Variants in TMEM167B observed in about 807,000 individuals in gnomAD.
TMEM167B encodes the protein transmembrane protein 167B.
Under a neutral mutation model 9.4 loss-of-function variants are expected in TMEM167B, and 2 were observed. The ratio of observed to expected loss-of-function variants is 0.21; its 90% CI spans 0.09 to 0.67. The LOEUF (loss-of-function observed/expected upper bound fraction) is 0.67, where lower values mean the gene tolerates loss of function less well. Ranked by LOEUF, TMEM167B falls within the 30% of genes least tolerant of loss-of-function variation. The pLI is 0.82. For synonymous variants in TMEM167B, 28 were observed against 32.0 expected (o/e 0.87, Z 0.42); for missense variants, 68 against 87.6 (o/e 0.78, Z 0.89).
chr1:109,090,828 T>C lies in TMEM167B; in HGVS notation c.-45T>C, dbSNP rs1410120773. 6.4e-7 allele frequency: 1 copy of C among 1,574,698 alleles called. No individual in the cohort carries two copies. Among genetic ancestry groups the C allele is most frequent in the Non-Finnish European group, 8.6e-7 (1 of 1,159,802 alleles). Reference sequence around the variant, plus strand: ...GGCGCTCCCCCATCTCCGCCGCTATTACCACTGAACCCGGACCCCCTACCC... The same window carrying C: ...GGCGCTCCCCCATCTCCGCCGCTATCACCACTGAACCCGGACCCCCTACCC... On this transcript the variant is annotated 5_prime_UTR_variant, in exon 1 of 3. Transcript: ENST00000338272.
chr1:109,093,061 C>G (rs370096701), intron 2 of TMEM167B, 40 bp downstream of exon 2: 15 of 1,612,488 alleles, frequency 9.3e-6, no homozygotes, highest in Non-Finnish European at 1.3e-5. Flanking sequence ...ACTGCCATCT[C>G]TGGACAGTGT....
At chr1:109,091,685 A>T (rs1664453932) in intron 1 of TMEM167B, 1 of 152,150 alleles carries the variant, frequency 6.6e-6, no homozygotes, top group South Asian at 2.1e-4. Context: ...CTCGAATTTA[A>T]CCTCCTTGTG....
rs980597437 is a variant in TMEM167B, at chr1:109,092,895, T to G, written c.16T>G (p.Ser6Ala). 12 of 1,614,048 alleles carry G rather than the reference T, an allele frequency of 7.4e-6. No individual in the cohort carries two copies. The highest frequency in any genetic ancestry group is 9.3e-6 in the Non-Finnish European group (11 of 1,180,030). The change falls in exon 2 of 3, where the codon TCC (serine) becomes GCC (alanine). Residue 6 changes from serine (S) to alanine (A), a missense_variant. Transcript: ENST00000338272. Reference sequence around the variant, plus strand: ...TTTTCTTCTTTATTTAACAGTGTACTCCTTGGATGGGATTCTGGTGTTTGG... The same window carrying G: ...TTTTCTTCTTTATTTAACAGTGTACGCCTTGGATGGGATTCTGGTGTTTGG... Reference protein sequence around the residue: MTNVYSLDGILVFGLL... With the variant: MTNVYALDGILVFGLL...
At chr1:109,091,018 C>T (rs1255642914) in intron 1 of TMEM167B, 136 bp downstream of exon 1, 1 of 1,022,874 alleles carries the variant, frequency 9.8e-7, no homozygotes, top group Non-Finnish European at 1.4e-6. Flanking sequence ...ACGCCCCTAA[C>T]TTCTGTACCC....
chr1:109,090,976 C>T, intron 1 of TMEM167B, 94 bp downstream of exon 1: 2 of 1,438,802 alleles, frequency 1.4e-6, no homozygotes, highest in Non-Finnish European at 1.9e-6. Context: ...TTCTCCCCGC[C>T]CCCTCCCAGC....
intron 2 of TMEM167B, 67 bp from the exon 3 acceptor site, chr1:109,094,350 T>C: frequency 6.6e-7 from 1 of 1,507,748 alleles, no homozygotes; most frequent in East Asian, 2.3e-5. Context: ...GACTTCAAAA[T>C]ATCACCTTGA....
At chr1:109,092,000 G>A (rs1408776607) in intron 1 of TMEM167B, among the ~76,000 whole-genome samples, 1 of 152,200 alleles carries the variant, frequency 6.6e-6, no homozygotes, top group Non-Finnish European at 1.5e-5. Flanking sequence ...ACAGCAGTTT[G>A]ACACGGTAGT....
rs1364669926 is a variant in TMEM167B, at chr1:109,095,875, G to T, written c.*1376G>T. On this transcript the variant is annotated 3_prime_UTR_variant, in exon 3 of 3. Transcript: ENST00000338272. ...CATTCCCTGCTTATATCTATGGAAG[G>T]ATCAGCTGTTGGATGTCTAGAACTT... 1.3e-5 allele frequency: 2 copies of T among 152,106 alleles called. No individual in the cohort carries two copies. Among genetic ancestry groups the T allele is most frequent in the African/African-American group, 4.8e-5 (2 of 41,406 alleles). 9.4% of individuals were successfully genotyped at this position (152,106 alleles called of 1,614,324 possible).
chr1:109,091,232 T>C (rs1035470974), intron 1 of TMEM167B, among the ~76,000 whole-genome samples: 3 of 152,342 alleles, frequency 2.0e-5, no homozygotes, highest in Middle Eastern at 3.4e-3. Flanking sequence ...CCCAGCTCCC[T>C]GCGTTCTCAT....
chr1:109,094,063 T>G (rs905045498), intron 2 of TMEM167B, among the ~76,000 whole-genome samples: 1 of 152,046 alleles, frequency 6.6e-6, no homozygotes, highest in African/African-American at 2.4e-5. Flanking sequence ...GTGGATCACC[T>G]GAGGTCAAGA....
intron 2 of TMEM167B, 118 bp downstream of exon 2, chr1:109,093,139 T>G: frequency 7.3e-7 from 1 of 1,378,802 alleles, no homozygotes; most frequent in Non-Finnish European, 9.9e-7. Context: ...AAAAAATCCC[T>G]CCGATTGGGT....
At chr1:109,092,638 C>G (rs1664475978) in intron 1 of TMEM167B, among the ~76,000 whole-genome samples, 1 of 152,050 alleles carries the variant, frequency 6.6e-6, no homozygotes, top group Non-Finnish European at 1.5e-5. Flanking sequence ...GTGGCATGAT[C>G]GTAGTTCATT....
At chr1:109,091,109 A>G (rs1434696627) in intron 1 of TMEM167B, among the ~76,000 whole-genome samples, 2 of 151,864 alleles carry the variant, frequency 1.3e-5, no homozygotes, top group African/African-American at 2.4e-5. Flanking sequence ...CGAGTTATCT[A>G]TCCCTATGCT....
At chr1:109,094,144 G>C (rs1219278163) in intron 2 of TMEM167B, among the ~76,000 whole-genome samples, 4 of 152,176 alleles carry the variant, frequency 2.6e-5, no homozygotes, top group African/African-American at 9.7e-5. Flanking sequence ...GCTGGGCATG[G>C]TGGCAGGCGC....
chr1:109,092,267 G>A (rs988578625), intron 1 of TMEM167B, among the ~76,000 whole-genome samples: 3 of 152,132 alleles, frequency 2.0e-5, no homozygotes, highest in African/African-American at 7.2e-5. Flanking sequence ...GATAATGATA[G>A]GAAAATTGTA....
At chr1:109,093,567 A>G (rs1342461743) in intron 2 of TMEM167B, 2 of 152,822 alleles carry the variant, frequency 1.3e-5, no homozygotes, top group Admixed American at 1.3e-4. Context: ...TCCATGGAGT[A>G]AAAGTATACA....
chr1:109,091,073 C>T (rs1664438120), intron 1 of TMEM167B, among the ~76,000 whole-genome samples, 191 bp downstream of exon 1: 1 of 152,122 alleles, frequency 6.6e-6, no homozygotes, highest in African/African-American at 2.4e-5. Context: ...CATCTAGGAC[C>T]CCCAGTGCCT....
At position 109,090,816 on chromosome 1, in the gene TMEM167B, C is replaced by G. The variant is rs4617434; in HGVS notation, c.-57C>G. ...AAGTGTCAAGCGGGCGCTCCCCCAT[C>G]TCCGCCGCTATTACCACTGAACCCG... On this transcript the variant is annotated 5_prime_UTR_variant, in exon 1 of 3. It adds an upstream start codon to the 5' untranslated region. Coordinates refer to ENST00000338272, the MANE Select transcript of TMEM167B (RefSeq NM_020141.4). 2.6e-6 allele frequency: 4 copies of G among 1,562,716 alleles called. No homozygotes were observed. The highest frequency in any genetic ancestry group is 2.6e-6 in the Non-Finnish European group (3 of 1,152,998).
At chr1:109,093,275 T>C (rs1218933408) in intron 2 of TMEM167B, 2 of 432,318 alleles carry the variant, frequency 4.6e-6, no homozygotes, top group African/African-American at 4.0e-5. Flanking sequence ...GAGGATTGCT[T>C]GTGTCCAGGA....
Sources: allele counts gnomAD v4.1 joint callset (sites outside exome capture counted in the v4.1 genomes callset), GRCh38; gene constraint gnomAD v4.1.1; transcripts MANE v1.5; gene names NCBI Gene and HGNC (gene_info 2026-07-23, HGNC 2026-07-21).